ABCA10: variants seen among roughly 807,000 people sequenced by gnomAD.
ABCA10 encodes the protein ATP binding cassette subfamily A member 10.
In ABCA10, 169 loss-of-function variants were observed where a neutral mutation model predicts 187.5. The observed-to-expected ratio is 0.90, with a 90% CI of 0.80 to 1.02. The LOEUF (loss-of-function observed/expected upper bound fraction) is 1.02, where lower values mean the gene tolerates loss of function less well. Among genes scored for constraint, ABCA10 ranks in the 50% least tolerant of loss-of-function variants. The pLI, the probability that ABCA10 is intolerant of heterozygous loss-of-function variation, is 0.00. For missense variants in ABCA10, 1,727 were observed against 1,812.4 expected (o/e 0.95, Z 0.86); for synonymous variants, 574 against 601.8 (o/e 0.95, Z 0.68).
chr17:69,166,891 G>A (rs2074258306), intron 25 of ABCA10, among the ~76,000 whole-genome samples: 1 of 152,150 alleles, frequency 6.6e-6, no homozygotes, highest in Non-Finnish European at 1.5e-5. Context: ...ACAGAATCAA[G>A]CACCAGGATT....
chr17:69,207,912 T>C (rs141713324), intron 9 of ABCA10, among the ~76,000 whole-genome samples: 1 of 152,040 alleles, frequency 6.6e-6, no homozygotes, highest in African/African-American at 2.4e-5. Flanking sequence ...GCTAAGAGAG[T>C]AGATTTTAAG....
intron 25 of ABCA10, among the ~76,000 whole-genome samples, chr17:69,170,042 C>T (rs531448394): frequency 6.6e-6 from 1 of 152,202 alleles, no homozygotes; most frequent in East Asian, 1.9e-4. Flanking sequence ...AATCCTAACA[C>T]TTTGGGAGGC....
At chr17:69,166,906 G>A (rs945558528) in intron 25 of ABCA10, among the ~76,000 whole-genome samples, 2 of 152,138 alleles carry the variant, frequency 1.3e-5, no homozygotes, top group East Asian at 3.9e-4. Flanking sequence ...AGGATTTAAC[G>A]TAGAAAAGGA....
rs745852400 is a variant in ABCA10, at chr17:69,153,498, T to C, written c.4014A>G (p.Lys1338=). The C allele has an allele frequency of 1.2e-6, 2 of 1,614,160 alleles. No individual in the cohort carries two copies. Among genetic ancestry groups the C allele is most frequent in the Non-Finnish European group, 1.7e-6 (2 of 1,180,022 alleles). Residue 1338 remains lysine, a synonymous_variant, in exon 33 of 39, where the codon AAA becomes AAG. Transcript: ENST00000690296. ...TTCTCTTTATTCCCTCTGATAGAGT[T>C]TTCACAGGAGCCTTAAGTTGTTCCT... ...KLQEQLKAPV[K]TLSEGIKRKL...
At chr17:69,183,645 G>A (rs947489205) in intron 20 of ABCA10, among the ~76,000 whole-genome samples, 2 of 152,068 alleles carry the variant, frequency 1.3e-5, no homozygotes, top group East Asian at 1.9e-4. Context: ...GAGCTAAGAC[G>A]AATTTAGAAA....
chr17:69,221,616 C>T (rs573806603), intron 5 of ABCA10, among the ~76,000 whole-genome samples, 176 bp downstream of exon 5: 1 of 152,186 alleles, frequency 6.6e-6, no homozygotes, highest in East Asian at 1.9e-4. Flanking sequence ...TGTAGTTTTA[C>T]AGGGTTTATG....
Position 69,155,821 on chromosome 17 carries a change from G to A in ABCA10, c.3560C>T (p.Ala1187Val), listed in dbSNP as rs548067105. The A allele has an allele frequency of 6.8e-6, 11 of 1,613,632 alleles. No homozygotes were observed. The Admixed American group carries it at 1.7e-4, about 24-fold the overall frequency. The change falls in exon 29 of 39, where the codon GCT becomes GTT. Residue 1187 changes from alanine to valine, a missense_variant. By Grantham distance (64) the Ala-to-Val change is moderately conservative. Transcript: ENST00000690296. ...ERVQAANALT[A>V]PNLEEEPVIT... is the part of the protein sequence containing the mutation. ...GCTGTTCACCTCCTCCAAGTTTGGA[G>A]CAGTGAGTGCATTTGCTGCTTGGAC...
intron 16 of ABCA10, among the ~76,000 whole-genome samples, chr17:69,191,702 C>T (rs1027540120): frequency 3.7e-4 from 57 of 152,204 alleles, no homozygotes; most frequent in African/African-American, 1.3e-3. Context: ...TATTGTGCTA[C>T]ATGTGTGATA....
At chr17:69,151,773 T>C (rs1192198347) in intron 36 of ABCA10, among the ~76,000 whole-genome samples, 1 of 152,216 alleles carries the variant, frequency 6.6e-6, no homozygotes, top group Non-Finnish European at 1.5e-5. Context: ...AATTTGTCTG[T>C]ACTTTGTTCT....
At chr17:69,236,350 T>C (rs190438724) in intron 1 of ABCA10, among the ~76,000 whole-genome samples, 7 of 152,312 alleles carry the variant, frequency 4.6e-5, no homozygotes, top group African/African-American at 1.7e-4. Context: ...TAACTTCACA[T>C]GTAAGAAGAT....
chr17:69,232,398 T>C (rs1480469048), upstream of ABCA10, among the ~76,000 whole-genome samples: 2 of 152,064 alleles, frequency 1.3e-5, no homozygotes, highest in Non-Finnish European at 2.9e-5. Flanking sequence ...ATATCTATTA[T>C]AGGTTTTTGC....
At chr17:69,176,170 T>C (rs1226856582) in intron 22 of ABCA10, among the ~76,000 whole-genome samples, 1 of 152,150 alleles carries the variant, frequency 6.6e-6, no homozygotes, top group African/African-American at 2.4e-5. Flanking sequence ...TCTGAAGCAC[T>C]GAGTTAAGTT....
intron 9 of ABCA10, among the ~76,000 whole-genome samples, chr17:69,210,847 CATATAT>C (rs57227408): frequency 2.6e-5 from 1 of 37,892 alleles, no homozygotes. Flanking sequence ...ATTTATGCCA[CATATAT>C]ATATATATAT....
chr17:69,165,230 A>C, intron 25 of ABCA10, 147 bp from the exon 26 acceptor site: 2 of 698,940 alleles, frequency 2.9e-6, no homozygotes, highest in Admixed American at 5.9e-5. Context: ...TATCCTCTTT[A>C]GGAAGTCTCA....
chr17:69,240,004 G>A (rs2074894386), intron 1 of ABCA10, among the ~76,000 whole-genome samples: 1 of 152,168 alleles, frequency 6.6e-6, no homozygotes, highest in East Asian at 1.9e-4. Context: ...TTCCATGCAG[G>A]AAGCATCTTA....
intron 27 of ABCA10, among the ~76,000 whole-genome samples, chr17:69,159,621 G>A (rs959469025): frequency 6.6e-6 from 1 of 152,054 alleles, no homozygotes; most frequent in African/African-American, 2.4e-5. Context: ...CCAGGAGAAA[G>A]TGTGATGATG....
At chr17:69,210,231 G>A (rs1382979847) in intron 9 of ABCA10, among the ~76,000 whole-genome samples, 6 of 121,786 alleles carry the variant, frequency 4.9e-5, no homozygotes, top group African/African-American at 1.7e-4. Flanking sequence ...CGCCCAGGCC[G>A]GACTGCGGAC....
chr17:69,213,156 T>C (rs1177866661), intron 9 of ABCA10, among the ~76,000 whole-genome samples: 1 of 152,134 alleles, frequency 6.6e-6, no homozygotes, highest in Non-Finnish European at 1.5e-5. Flanking sequence ...TTGAGTTCAT[T>C]GGCCTCCAAC....
chr17:69,183,669 T>C (rs907306259), intron 20 of ABCA10, among the ~76,000 whole-genome samples: 4 of 151,844 alleles, frequency 2.6e-5, no homozygotes, highest in African/African-American at 9.7e-5. Context: ...AAGCGAAATA[T>C]AGGGGTAGAG....
Sources: gnomAD v4.1 joint callset for allele counts (sites outside exome capture counted in the v4.1 genomes callset) on GRCh38, gnomAD v4.1.1 for gene constraint, MANE v1.5 for transcripts, NCBI Gene and HGNC (gene_info 2026-07-23, HGNC 2026-07-21) for gene names.